Variants in LINGO2 observed in about 807,000 individuals in gnomAD.
The protein encoded by LINGO2 is leucine rich repeat and Ig domain containing 2, also known as leucine-rich repeat and immunoglobulin-like domain-containing nogo receptor-interacting protein 2.
In LINGO2, 14 loss-of-function variants were observed where a neutral mutation model predicts 30.6. That is an observed-to-expected ratio of 0.46 (90% CI 0.30 to 0.72). LINGO2 has a LOEUF of 0.72. LINGO2 is among the 30% of genes least tolerant of loss of function. LINGO2 has a pLI of 0.07. For synonymous variants in LINGO2, 317 were observed against 288.5 expected (o/e 1.10, Z -1.00); for missense variants, 729 against 751.7 (o/e 0.97, Z 0.35).
At chr9:28,418,070 A>G (rs1278251515) in intron 2 of LINGO2, among the ~76,000 whole-genome samples, 1 of 152,126 alleles carries the variant, frequency 6.6e-6, no homozygotes, top group Admixed American at 6.5e-5. Flanking sequence ...TTTTTCCCCC[A>G]GTGGATAACT....
chr9:29,006,953 T>A, the LINGO2 span, among the ~76,000 whole-genome samples: 1 of 152,098 alleles, frequency 6.6e-6, no homozygotes, highest in African/African-American at 2.4e-5. Context: ...TGTAGATTAA[T>A]GCTGAACTCT....
At chr9:28,825,788 A>G in the LINGO2 span, among the ~76,000 whole-genome samples, 6 of 152,088 alleles carry the variant, frequency 3.9e-5, no homozygotes, top group Admixed American at 3.9e-4. Flanking sequence ...TTGTAGCCAC[A>G]CACTAATTCA....
At chr9:28,695,900 T>G in the LINGO2 span, among the ~76,000 whole-genome samples, 1 of 152,098 alleles carries the variant, frequency 6.6e-6, no homozygotes, top group East Asian at 1.9e-4. Flanking sequence ...GTTTGATGCA[T>G]GTACTACTTG....
chr9:28,042,012 TAACTG>T (rs1421009735), intron 4 of LINGO2, among the ~76,000 whole-genome samples: 2 of 151,966 alleles, frequency 1.3e-5, no homozygotes, highest in African/African-American at 2.4e-5. Context: ...TTTGGGCAAG[TAACTG>T]AACTTCTAGA....
intron 4 of LINGO2, among the ~76,000 whole-genome samples, chr9:28,038,386 A>G (rs544454124): frequency 2.6e-5 from 4 of 152,330 alleles, no homozygotes; most frequent in African/African-American, 9.6e-5. Context: ...GCTCATATTC[A>G]TAAATTTTAA....
chr9:28,918,237 C>T, the LINGO2 span, among the ~76,000 whole-genome samples: 10 of 152,156 alleles, frequency 6.6e-5, no homozygotes, highest in African/African-American at 2.4e-4. Flanking sequence ...GATGCAAAAG[C>T]GGAAACCCCT....
At chr9:28,294,071 T>C (rs1298808595) in intron 4 of LINGO2, among the ~76,000 whole-genome samples, 1 of 152,216 alleles carries the variant, frequency 6.6e-6, no homozygotes, top group Non-Finnish European at 1.5e-5. Context: ...CAAAAAATTT[T>C]TAAATTTGTA....
chr9:28,842,546 A>C, the LINGO2 span, among the ~76,000 whole-genome samples: 1 of 151,834 alleles, frequency 6.6e-6, no homozygotes, highest in African/African-American at 2.4e-5. Context: ...TGGATTGTAT[A>C]AAGGTGGATG....
At chr9:28,739,319 A>C in the LINGO2 span, among the ~76,000 whole-genome samples, 1 of 151,940 alleles carries the variant, frequency 6.6e-6, no homozygotes, top group Non-Finnish European at 1.5e-5. Flanking sequence ...GAAAATAAGG[A>C]ATATTGTAAA....
At chr9:28,530,058 T>G (rs1248386423) in intron 1 of LINGO2, among the ~76,000 whole-genome samples, 1 of 151,888 alleles carries the variant, frequency 6.6e-6, no homozygotes, top group Non-Finnish European at 1.5e-5. Context: ...TTGAGCTTTT[T>G]GGGGGGAGTG....
At chr9:28,888,716 G>A in the LINGO2 span, among the ~76,000 whole-genome samples, 3 of 152,064 alleles carry the variant, frequency 2.0e-5, no homozygotes, top group African/African-American at 7.2e-5. Flanking sequence ...CATGTTGAGT[G>A]GACAAGTTAA....
At chr9:28,755,459 A>G in the LINGO2 span, among the ~76,000 whole-genome samples, 1 of 152,124 alleles carries the variant, frequency 6.6e-6, no homozygotes, top group African/African-American at 2.4e-5. Flanking sequence ...ACAAAATGTG[A>G]CACTTTATAA....
At chr9:28,001,409 TA>T (rs11342261) in intron 5 of LINGO2, among the ~76,000 whole-genome samples, 78,343 of 151,570 alleles carry the variant, frequency 0.52, 20,556 homozygotes, top group East Asian at 0.84. Flanking sequence ...AGTTATACAA[TA>T]AGCCCATGAT....
intron 4 of LINGO2, among the ~76,000 whole-genome samples, chr9:28,102,772 C>G (rs577881736): frequency 4.6e-5 from 7 of 152,144 alleles, no homozygotes; most frequent in South Asian, 2.1e-4. Flanking sequence ...GTTTTCCAAG[C>G]CTTTATTCAC....
At chr9:29,032,048 G>A in the LINGO2 span, among the ~76,000 whole-genome samples, 3 of 152,086 alleles carry the variant, frequency 2.0e-5, no homozygotes, top group Non-Finnish European at 4.4e-5. Context: ...GCAATCCCAT[G>A]TTTAGTCTTC....
intron 3 of LINGO2, among the ~76,000 whole-genome samples, chr9:28,325,202 A>G (rs982510537): frequency 2.0e-5 from 3 of 151,878 alleles, no homozygotes; most frequent in Non-Finnish European, 4.4e-5. Context: ...CTCTTTCCTT[A>G]GGGCATTTAT....
At chr9:28,965,019 CTT>C in the LINGO2 span, among the ~76,000 whole-genome samples, 1 of 151,646 alleles carries the variant, frequency 6.6e-6, no homozygotes, top group African/African-American at 2.4e-5. Context: ...AGAGAATAAT[CTT>C]ATATTAATCT....
At chr9:28,271,284 T>C (rs978451260) in intron 4 of LINGO2, among the ~76,000 whole-genome samples, 10 of 152,292 alleles carry the variant, frequency 6.6e-5, no homozygotes, top group Middle Eastern at 3.4e-3. Context: ...TATATTCACT[T>C]ATAAATGACT....
intron 1 of LINGO2, among the ~76,000 whole-genome samples, chr9:28,523,514 T>C (rs910108211): frequency 6.6e-6 from 1 of 152,016 alleles, no homozygotes; most frequent in African/African-American, 2.4e-5. Flanking sequence ...GAAATAAAAC[T>C]AACTGTAATC....
Sources: gnomAD v4.1 joint callset for allele counts (sites outside exome capture counted in the v4.1 genomes callset) on GRCh38, gnomAD v4.1.1 for gene constraint, MANE v1.5 for transcripts, NCBI Gene and HGNC (gene_info 2026-07-23, HGNC 2026-07-21) for gene names.